The following ZNF888 variants were observed in gnomAD, a reference collection of about 807,000 sequenced individuals.
ZNF888 encodes the protein CTD-2331H12.6.
A neutral mutation model predicts 7.2 loss-of-function variants in ZNF888; 5 were observed. That is an observed-to-expected ratio of 0.70 (90% CI 0.36 to 1.46). The LOEUF (loss-of-function observed/expected upper bound fraction) is 1.46, where lower values mean the gene tolerates loss of function less well. Ranked by LOEUF, ZNF888 falls within the 40% of genes most tolerant of loss-of-function variation. The probability of loss-of-function intolerance (pLI) is 0.03; values close to 1 mark genes in which losing one functional copy is unlikely to be tolerated. For synonymous variants in ZNF888, 240 were observed against 284.3 expected (o/e 0.84, Z 1.57); for missense variants, 716 against 858.0 (o/e 0.83, Z 2.07).
At chr19:52,912,422 A>G (rs75212716) in intron 4 of ZNF888, among the ~76,000 whole-genome samples, 3,189 of 151,230 alleles carry the variant, frequency 0.021, 120 homozygotes, top group African/African-American at 0.073. Flanking sequence ...CAGCAATAAC[A>G]TATTTTAAAT....
intron 4 of ZNF888, among the ~76,000 whole-genome samples, chr19:52,912,684 C>G (rs2064700870): frequency 6.6e-6 from 1 of 151,014 alleles, no homozygotes; most frequent in Admixed American, 6.6e-5. Context: ...GGGCCGAGAT[C>G]ACACCACTGC....
chr19:52,911,625 A>T (rs539979274), intron 4 of ZNF888, among the ~76,000 whole-genome samples: 2 of 152,106 alleles, frequency 1.3e-5, no homozygotes, highest in East Asian at 3.9e-4. Flanking sequence ...GGCGTGAGCC[A>T]CCGTGCCCAG....
chr19:52,910,879 T>A (rs956840270), intron 4 of ZNF888, among the ~76,000 whole-genome samples: 1 of 152,080 alleles, frequency 6.6e-6, no homozygotes, highest in Admixed American at 6.6e-5. Flanking sequence ...TTCTCCTACC[T>A]CAAGTGATTC....
rs373054966 is a variant in ZNF888, at chr19:52,909,153, A to AG, written c.143-975_143-974insC. On this transcript the variant is annotated intron_variant, in intron 4 of 4. Coordinates refer to ENST00000638862, the MANE Select transcript of ZNF888 (RefSeq NM_001393938.1). Reference sequence around the variant, plus strand: ...AAGTGAGACTCCATCTCAAAAAAAAAAGAAAATGTTAATACCATATTTTTC... The same window carrying AG: ...AAGTGAGACTCCATCTCAAAAAAAAAGAGAAAATGTTAATACCATATTTTTC... Among the ~76,000 whole-genome samples the AG allele has an allele frequency of 7.3e-3, 1,111 of 152,180 alleles. 20 individuals carry two copies. Among genetic ancestry groups the AG allele is most frequent in the African/African-American group, 0.024 (1,010 of 41,486 alleles).
intron 4 of ZNF888, among the ~76,000 whole-genome samples, chr19:52,910,294 A>AC (rs1234629273): frequency 6.6e-6 from 1 of 152,064 alleles, no homozygotes; most frequent in African/African-American, 2.4e-5. Context: ...ACATGGTGAA[A>AC]CCCCATCTCT....
chr19:52,918,182 C>T, intron 2 of ZNF888: 1 of 985,392 alleles, frequency 1.0e-6, no homozygotes, highest in Non-Finnish European at 1.2e-6. Context: ...AGGCACAGAC[C>T]CAGACCTGAC....
At chr19:52,912,391 G>A (rs1224641849) in intron 4 of ZNF888, among the ~76,000 whole-genome samples, 1 of 151,414 alleles carries the variant, frequency 6.6e-6, no homozygotes, top group East Asian at 2.0e-4. Flanking sequence ...GGGATTACAG[G>A]CATGAGCCAC....
Position 52,917,916 on chromosome 19 carries a change from T to C in ZNF888, c.-43A>G. 1 of 1,610,228 alleles carries C rather than the reference T, an allele frequency of 6.2e-7. No individual in the cohort carries two copies. The highest frequency in any genetic ancestry group is 8.5e-7 in the Non-Finnish European group (1 of 1,179,994). Reference sequence around the variant, plus strand: ...TCCTCTTCCTCTTCTGAGTTTCTTCTTCACATACCCAGAGTCTTTAGAAGT... The same window carrying C: ...TCCTCTTCCTCTTCTGAGTTTCTTCCTCACATACCCAGAGTCTTTAGAAGT... On this transcript the variant is annotated 5_prime_UTR_variant, in exon 3 of 5. Coordinates refer to ENST00000638862, the MANE Select transcript of ZNF888 (RefSeq NM_001393938.1).
intron 1 of ZNF888, among the ~76,000 whole-genome samples, chr19:52,922,268 T>TCAGCGC (rs1555740597): frequency 1.4e-4 from 22 of 151,794 alleles, no homozygotes; most frequent in Middle Eastern, 3.4e-3. Flanking sequence ...TTCTCCCATC[T>TCAGCGC]CTCCTGAGCT....
chr19:52,922,711 T>C (rs2064835979), intron 1 of ZNF888, among the ~76,000 whole-genome samples: 1 of 152,194 alleles, frequency 6.6e-6, no homozygotes, highest in African/African-American at 2.4e-5. Context: ...CCTGATCCCT[T>C]TGGCCCACAC....
chr19:52,914,381 C>T, intron 4 of ZNF888: 6 of 984,526 alleles, frequency 6.1e-6, no homozygotes, highest in Non-Finnish European at 7.2e-6. Flanking sequence ...TCCCTTGCTC[C>T]AACATGGAGA....
chr19:52,913,407 A>C (rs1464471473), intron 4 of ZNF888, among the ~76,000 whole-genome samples: 5 of 143,986 alleles, frequency 3.5e-5, no homozygotes, highest in Non-Finnish European at 4.5e-5. Context: ...TCACTGCAAC[A>C]TCCACCTCCC....
chr19:52,917,649 CAT>C (rs752740396), intron 3 of ZNF888, among the ~76,000 whole-genome samples: 8 of 152,152 alleles, frequency 5.3e-5, no homozygotes, highest in Non-Finnish European at 8.8e-5. Context: ...TTCCCAGGAC[CAT>C]GCCTACTGCA....
At chr19:52,912,262 T>C (rs556583338) in intron 4 of ZNF888, among the ~76,000 whole-genome samples, 1,928 of 146,716 alleles carry the variant, frequency 0.013, 56 homozygotes, top group African/African-American at 0.047. Context: ...TACAGGCACC[T>C]GCCACCGCGC....
chr19:52,922,329 T>C (rs1393165514), intron 1 of ZNF888, among the ~76,000 whole-genome samples: 2 of 151,946 alleles, frequency 1.3e-5, no homozygotes, highest in African/African-American at 2.4e-5. Context: ...CCCCACTCTC[T>C]GGCACCCCAG....
rs148506982 is a variant in ZNF888 at position 52,914,122 on chromosome 19, C to T, written c.142+1074G>A. On this transcript the variant is annotated intron_variant, in intron 4 of 4. Coordinates refer to ENST00000638862, the MANE Select transcript of ZNF888 (RefSeq NM_001393938.1). ...CCTTGGCGACAGAGTGAGACTCTGT[C>T]ATAAGAAAAGAAAGAGCAGAGAGAT... Among the ~76,000 whole-genome samples the T allele has an allele frequency of 3.1e-3, 471 of 152,266 alleles. 2 individuals are homozygous for T. Among genetic ancestry groups the T allele is most frequent in the African/African-American group, 0.011 (447 of 41,566 alleles).
Position 52,905,833 on chromosome 19 carries a change from G to A in ZNF888, c.*332C>T, listed in dbSNP as rs993243672. 2 of 706,048 alleles carry A rather than the reference G, an allele frequency of 2.8e-6. No homozygotes were observed. The highest frequency in any genetic ancestry group is 5.2e-6 in the Non-Finnish European group (2 of 382,066). 43.7% of individuals were successfully genotyped at this position (706,048 alleles called of 1,614,324 possible). ...AGACCTTGCCACACTGATGACATTT[G>A]TAAGATTTCTGTCCAGTATGGATTC... On this transcript the variant is annotated 3_prime_UTR_variant, in exon 5 of 5. Coordinates refer to ENST00000638862, the MANE Select transcript of ZNF888 (RefSeq NM_001393938.1).
chr19:52,916,615 C>T (rs897606604), intron 3 of ZNF888, among the ~76,000 whole-genome samples: 5 of 131,480 alleles, frequency 3.8e-5, no homozygotes, highest in East Asian at 2.2e-4. Context: ...TATACATATA[C>T]ATATATATAT....
chr19:52,907,335 A>G lies in ZNF888; in HGVS notation c.987T>C (p.Asn329=). ...GTTGATTAAAAACCTTGCCACATTC[A>G]TTACACTTGTAAGGTTTCTCTCCAG... ...IHTGEKPYKC[N]ECGKVFNQQS... Residue 329 remains asparagine, a synonymous_variant, in exon 5 of 5, where the codon AAT becomes AAC. Coordinates refer to ENST00000638862, the MANE Select transcript of ZNF888 (RefSeq NM_001393938.1). 2 of 1,613,570 alleles carry G rather than the reference A, an allele frequency of 1.2e-6. No individual in the cohort carries two copies. Among genetic ancestry groups the G allele is most frequent in the Non-Finnish European group, 1.7e-6 (2 of 1,179,790 alleles).
Sources: gnomAD v4.1 joint callset for allele counts (sites outside exome capture counted in the v4.1 genomes callset) on GRCh38, gnomAD v4.1.1 for gene constraint, MANE v1.5 for transcripts, NCBI Gene and HGNC (gene_info 2026-07-23, HGNC 2026-07-21) for gene names.